SNX10: variants seen among roughly 807,000 people sequenced by gnomAD.
SNX10 encodes the protein sorting nexin-10.
In SNX10, 25 loss-of-function variants were observed where a neutral mutation model predicts 28.5. That is an observed-to-expected ratio of 0.88 (90% CI 0.64 to 1.22). The LOEUF is 1.22. Among genes scored for constraint, SNX10 ranks in the 50% most tolerant of loss-of-function variants. The pLI is 0.00. For synonymous variants in SNX10, 62 were observed against 81.4 expected (o/e 0.76, Z 1.28); for missense variants, 223 against 242.6 (o/e 0.92, Z 0.54).
intron 5 of SNX10, among the ~76,000 whole-genome samples, chr7:26,369,237 A>C (rs1468200436): frequency 6.6e-6 from 1 of 152,184 alleles, no homozygotes; most frequent in African/African-American, 2.4e-5. Flanking sequence ...TGTTTTACAA[A>C]GTACTCTTTA....
chr7:26,326,066 T>C (rs1376817795), intron 1 of SNX10, among the ~76,000 whole-genome samples: 2 of 152,126 alleles, frequency 1.3e-5, no homozygotes, highest in Non-Finnish European at 2.9e-5. Context: ...GAATAGTCTT[T>C]TACAACTAAA....
chr7:26,331,967 C>T (rs1466497988), intron 1 of SNX10, among the ~76,000 whole-genome samples: 1 of 152,166 alleles, frequency 6.6e-6, no homozygotes, highest in Non-Finnish European at 1.5e-5. Flanking sequence ...TTGAATAATA[C>T]TCCATTGAGT....
intron 1 of SNX10, among the ~76,000 whole-genome samples, chr7:26,313,033 T>C (rs1786912675): frequency 6.6e-6 from 1 of 152,204 alleles, no homozygotes; most frequent in Non-Finnish European, 1.5e-5. Flanking sequence ...GCAATTCCAC[T>C]TACAGAAATT....
chr7:26,327,720 T>C (rs1787556231), intron 1 of SNX10, among the ~76,000 whole-genome samples: 1 of 136,804 alleles, frequency 7.3e-6, no homozygotes, highest in Admixed American at 7.6e-5. Context: ...ATTCATGCAT[T>C]CTTTTCTTTT....
chr7:26,326,096 C>T (rs1787493779), intron 1 of SNX10, among the ~76,000 whole-genome samples: 1 of 152,126 alleles, frequency 6.6e-6, no homozygotes, highest in Non-Finnish European at 1.5e-5. Context: ...AAAGTAAATA[C>T]CAAGGGGTCA....
At chr7:26,332,898 T>C (rs1169370955) in intron 1 of SNX10, among the ~76,000 whole-genome samples, 1 of 152,130 alleles carries the variant, frequency 6.6e-6, no homozygotes. Context: ...AATAAACCTA[T>C]GGGTTTATTT....
At position 26,325,376 on chromosome 7, in the gene SNX10, C is replaced by T. The variant is rs191996283; in HGVS notation, c.-23-21044C>T. ...TGCCCAGGCCAGAAGTGCAGTGGCA[C>T]GATCTTGGATCACTGCAACCTCAGC... On this transcript the variant is annotated intron_variant, in intron 1 of 6. Coordinates refer to ENST00000338523, the MANE Select transcript of SNX10 (RefSeq NM_013322.3). Among the ~76,000 whole-genome samples, 90 of 131,466 alleles carry T rather than the reference C, an allele frequency of 6.8e-4. 2 individuals carry two copies. In the East Asian group the frequency reaches 0.017, roughly 24 times the overall value. The allele number at this position is 131,466 out of a possible 152,430, so 86.2% of individuals were successfully genotyped here.
rs140615246 is a variant in SNX10, at chr7:26,293,651, C to T, written c.-24+1565C>T. Among the ~76,000 whole-genome samples the T allele has an allele frequency of 3.9e-5, 6 of 152,274 alleles. No individual in the cohort carries two copies. In the East Asian group the frequency reaches 1.2e-3, roughly 29 times the overall value. On this transcript the variant is annotated intron_variant, in intron 1 of 6. Coordinates refer to ENST00000338523, the MANE Select transcript of SNX10 (RefSeq NM_013322.3). ...GATTAGCATGGACTCAACTGGTCGT[C>T]CTGTTTCTTCTACCAGTCCATTTCA...
In SNX10 at chr7:26,352,475, C is replaced by A. The variant is rs999778916; in HGVS notation, c.24+6009C>A. Among the ~76,000 whole-genome samples the A allele has an allele frequency of 2.0e-5, 3 of 152,254 alleles. No homozygotes were observed. The East Asian group carries it at 5.8e-4, about 29-fold the overall frequency. Reference sequence around the variant, plus strand: ...AAGGTAGAGATGATAATAAAATGAACCCCCATATGTGTACCTACCAACCAG... The same window carrying A: ...AAGGTAGAGATGATAATAAAATGAAACCCCATATGTGTACCTACCAACCAG... On this transcript the variant is annotated intron_variant, in intron 2 of 6. Coordinates refer to ENST00000338523, the MANE Select transcript of SNX10 (RefSeq NM_013322.3).
At chr7:26,295,431 AC>A (rs1328608848) in intron 1 of SNX10, among the ~76,000 whole-genome samples, 2 of 152,218 alleles carry the variant, frequency 1.3e-5, no homozygotes, top group Non-Finnish European at 2.9e-5. Flanking sequence ...TCAGATTCTT[AC>A]GTGGTCACCC....
At chr7:26,371,605 A>G (rs1789538889) in intron 5 of SNX10, among the ~76,000 whole-genome samples, 2 of 152,164 alleles carry the variant, frequency 1.3e-5, no homozygotes. Context: ...GTTCTTAACT[A>G]TTAGCTTCAT....
At chr7:26,337,941 G>A (rs1441943043) in intron 1 of SNX10, among the ~76,000 whole-genome samples, 2 of 152,198 alleles carry the variant, frequency 1.3e-5, no homozygotes, top group East Asian at 1.9e-4. Flanking sequence ...GAAGGGTTCC[G>A]ATTTCTCCAT....
chr7:26,355,201 A>G (rs1361314900), intron 2 of SNX10, among the ~76,000 whole-genome samples: 2 of 152,048 alleles, frequency 1.3e-5, no homozygotes, highest in African/African-American at 2.4e-5. Flanking sequence ...TTCTGTGTCT[A>G]TCCCTCTCTA....
At chr7:26,334,507 A>C (rs923453645) in intron 1 of SNX10, among the ~76,000 whole-genome samples, 1 of 152,232 alleles carries the variant, frequency 6.6e-6, no homozygotes, top group African/African-American at 2.4e-5. Flanking sequence ...CAGTGTCTGC[A>C]TCTCAGGTAG....
At chr7:26,302,706 A>G (rs1347185466) in intron 1 of SNX10, among the ~76,000 whole-genome samples, 2 of 152,172 alleles carry the variant, frequency 1.3e-5, no homozygotes, top group East Asian at 1.9e-4. Flanking sequence ...CTGCATACCC[A>G]CAAAGGCTGG....
At chr7:26,352,637 T>C (rs780496060) in intron 2 of SNX10, among the ~76,000 whole-genome samples, 2 of 152,248 alleles carry the variant, frequency 1.3e-5, no homozygotes, top group Non-Finnish European at 2.9e-5. Flanking sequence ...AATATTTCAG[T>C]ATGCATTTCT....
At chr7:26,304,906 C>T (rs1414263355) in intron 1 of SNX10, among the ~76,000 whole-genome samples, 1 of 152,184 alleles carries the variant, frequency 6.6e-6, no homozygotes, top group African/African-American at 2.4e-5. Flanking sequence ...TGAGAACCCA[C>T]AGGTCCATGG....
intron 1 of SNX10, among the ~76,000 whole-genome samples, chr7:26,309,890 T>C (rs1406703284): frequency 4.6e-5 from 7 of 152,184 alleles, no homozygotes; most frequent in Admixed American, 6.5e-5. Context: ...GTAATAATGA[T>C]ACCTGGCCTC....
intron 1 of SNX10, among the ~76,000 whole-genome samples, chr7:26,295,021 C>T (rs1023963480): frequency 2.6e-5 from 4 of 152,296 alleles, no homozygotes; most frequent in Non-Finnish European, 5.9e-5. Flanking sequence ...ACTCCTTGCT[C>T]CCAGTTTCTG....
Sources: allele counts gnomAD v4.1 joint callset (sites outside exome capture counted in the v4.1 genomes callset), GRCh38; gene constraint gnomAD v4.1.1; transcripts MANE v1.5; gene names NCBI Gene and HGNC (gene_info 2026-07-23, HGNC 2026-07-21).